FSTL5: variants seen among roughly 807,000 people sequenced by gnomAD.
The protein encoded by FSTL5 is follistatin like 5, also known as follistatin-related protein 5.
Under a neutral mutation model 89.1 loss-of-function variants are expected in FSTL5, and 62 were observed. The observed-to-expected ratio is 0.70, with a 90% CI of 0.57 to 0.86. The LOEUF is 0.86. FSTL5 is among the 40% of genes least tolerant of loss of function. The pLI is 0.00. For synonymous variants in FSTL5, 383 were observed against 346.2 expected (o/e 1.11, Z -1.18); for missense variants, 1,057 against 1,001.6 (o/e 1.06, Z -0.75).
Position 161,609,429 on chromosome 4 carries a change from TATC to T in FSTL5, c.895-21857_895-21855del, listed in dbSNP as rs561480332. Among the ~76,000 whole-genome samples, 62 of 152,276 alleles carry T rather than the reference TATC, an allele frequency of 4.1e-4. 2 individuals carry two copies. The South Asian group carries it at 0.011, about 27-fold the overall frequency. ...TGTGATTATTTGTGTTATTATGTAA[TATC>T]ATGCTGTAGCATTCCAATTTCCAAA... On this transcript the variant is annotated intron_variant, in intron 7 of 15. Transcript: ENST00000306100.
chr4:161,591,416 T>A (rs1733817873), intron 7 of FSTL5, among the ~76,000 whole-genome samples: 1 of 152,192 alleles, frequency 6.6e-6, no homozygotes, highest in African/African-American at 2.4e-5. Context: ...GCTAATATAC[T>A]AGAAAGCACT....
chr4:161,740,243 C>T (rs1739968800), intron 6 of FSTL5, among the ~76,000 whole-genome samples: 1 of 152,032 alleles, frequency 6.6e-6, no homozygotes. Context: ...TGGTCTTGAA[C>T]TCCTGACCTC....
At chr4:161,911,087 C>A (rs1733677840) in intron 4 of FSTL5, among the ~76,000 whole-genome samples, 1 of 152,006 alleles carries the variant, frequency 6.6e-6, no homozygotes, top group Non-Finnish European at 1.5e-5. Flanking sequence ...CTGTTTGAAT[C>A]GACCATGATA....
intron 5 of FSTL5, among the ~76,000 whole-genome samples, chr4:161,770,186 G>A (rs1207180780): frequency 1.3e-5 from 2 of 152,040 alleles, no homozygotes; most frequent in African/African-American, 4.8e-5. Context: ...TACAGCGATA[G>A]AGCATAGAAT....
chr4:161,769,064 T>TCAATAAATAA (rs1393280063), intron 5 of FSTL5, among the ~76,000 whole-genome samples: 3 of 151,950 alleles, frequency 2.0e-5, no homozygotes, highest in Non-Finnish European at 4.4e-5. Context: ...TATGAGCAAC[T>TCAATAAATAA]ATATGCCAAT....
At chr4:161,753,301 C>T (rs1740461753) in intron 6 of FSTL5, among the ~76,000 whole-genome samples, 1 of 152,100 alleles carries the variant, frequency 6.6e-6, no homozygotes, top group South Asian at 2.1e-4. Flanking sequence ...CATCTCTTCC[C>T]GTGACCCCTG....
intron 5 of FSTL5, among the ~76,000 whole-genome samples, chr4:161,768,968 G>T (rs900284347): frequency 6.6e-6 from 1 of 151,694 alleles, no homozygotes; most frequent in East Asian, 1.9e-4. Flanking sequence ...TAAAAGGAAA[G>T]AAAACCAAAA....
At chr4:161,898,053 A>G (rs1733224719) in intron 4 of FSTL5, among the ~76,000 whole-genome samples, 1 of 149,568 alleles carries the variant, frequency 6.7e-6, no homozygotes, top group East Asian at 1.9e-4. Flanking sequence ...TTGTGAATTG[A>G]CAGCTCATTT....
Position 161,387,328 on chromosome 4 carries a change from T to C in FSTL5, c.1842-879A>G, listed in dbSNP as rs1228080751. On this transcript the variant is annotated intron_variant, in intron 15 of 15. Coordinates refer to ENST00000306100, the MANE Select transcript of FSTL5 (RefSeq NM_020116.5). Reference sequence around the variant, plus strand: ...TTTATGTTTGCATTAACAATATTGATTGTCACCTTCTAATAGTTCTAAAAG... The same window carrying C: ...TTTATGTTTGCATTAACAATATTGACTGTCACCTTCTAATAGTTCTAAAAG... The C allele has an allele frequency of 2.6e-5, 4 of 152,020 alleles. No individual in the cohort carries two copies. In the South Asian group the frequency reaches 8.3e-4, roughly 32 times the overall value. 9.4% of individuals were successfully genotyped at this position (152,020 alleles called of 1,614,324 possible). A position where few individuals can be genotyped will look rare whatever the true frequency, so the allele number is the denominator to read the frequency against.
chr4:161,956,705 G>A (rs902906365), intron 3 of FSTL5, among the ~76,000 whole-genome samples: 6 of 151,804 alleles, frequency 4.0e-5, no homozygotes, highest in Admixed American at 1.3e-4. Context: ...GAAGAGACAC[G>A]GGTTAATGTA....
At chr4:161,641,263 C>G (rs1400557135) in intron 7 of FSTL5, among the ~76,000 whole-genome samples, 1 of 152,160 alleles carries the variant, frequency 6.6e-6, no homozygotes, top group Non-Finnish European at 1.5e-5. Context: ...TTTTTAATTT[C>G]TACATGATAA....
chr4:162,159,448 A>G (rs1238864890), intron 1 of FSTL5, among the ~76,000 whole-genome samples: 1 of 152,076 alleles, frequency 6.6e-6, no homozygotes, highest in African/African-American at 2.4e-5. Flanking sequence ...ATTGACATAC[A>G]AATGAACTCA....
At chr4:161,850,828 C>T (rs1731526380) in intron 4 of FSTL5, among the ~76,000 whole-genome samples, 1 of 152,108 alleles carries the variant, frequency 6.6e-6, no homozygotes, top group African/African-American at 2.4e-5. Context: ...AAATGGAATA[C>T]TATGCAGCCA....
intron 3 of FSTL5, among the ~76,000 whole-genome samples, chr4:161,966,887 C>T (rs1735341490): frequency 6.6e-6 from 1 of 151,810 alleles, no homozygotes; most frequent in African/African-American, 2.4e-5. Flanking sequence ...ATATCTATTC[C>T]ATCTTTCTCA....
intron 4 of FSTL5, among the ~76,000 whole-genome samples, chr4:161,878,153 A>G (rs1164819440): frequency 6.6e-6 from 1 of 152,166 alleles, no homozygotes; most frequent in Non-Finnish European, 1.5e-5. Flanking sequence ...AACATCTGGA[A>G]TATTACTTAG....
At chr4:161,703,082 C>T (rs1430522638) in intron 6 of FSTL5, among the ~76,000 whole-genome samples, 1 of 151,942 alleles carries the variant, frequency 6.6e-6, no homozygotes, top group East Asian at 1.9e-4. Context: ...TTTGAGGACG[C>T]AGAGAGAGAG....
chr4:161,773,640 G>A (rs1347642919), intron 5 of FSTL5, among the ~76,000 whole-genome samples: 2 of 152,116 alleles, frequency 1.3e-5, no homozygotes, highest in African/African-American at 4.8e-5. Context: ...AAATCACCAT[G>A]TGATACCACC....
chr4:161,597,837 G>A (rs893675162), intron 7 of FSTL5, among the ~76,000 whole-genome samples: 2 of 152,012 alleles, frequency 1.3e-5, no homozygotes, highest in Admixed American at 6.6e-5. Flanking sequence ...GAAGGTAAAG[G>A]AAAGTAGATT....
intron 10 of FSTL5, among the ~76,000 whole-genome samples, chr4:161,527,423 A>C (rs1288454107): frequency 2.6e-5 from 4 of 152,328 alleles, no homozygotes; most frequent in Non-Finnish European, 5.9e-5. Flanking sequence ...GCCAGAATCT[A>C]CAATGAACTC....
Sources: gnomAD v4.1 joint callset for allele counts (sites outside exome capture counted in the v4.1 genomes callset) on GRCh38, gnomAD v4.1.1 for gene constraint, MANE v1.5 for transcripts, NCBI Gene and HGNC (gene_info 2026-07-23, HGNC 2026-07-21) for gene names.